DDX17: variants seen among roughly 807,000 people sequenced by gnomAD.
The protein encoded by DDX17 is probable ATP-dependent RNA helicase DDX17.
Under a neutral mutation model 80.8 loss-of-function variants are expected in DDX17, and 10 were observed. The ratio of observed to expected loss-of-function variants is 0.12; its 90% CI spans 0.08 to 0.21. DDX17 has a LOEUF of 0.21. DDX17 is among the 10% of genes least tolerant of loss of function. The pLI, the probability that DDX17 is intolerant of heterozygous loss-of-function variation, is 1.00. For synonymous variants in DDX17, 339 were observed against 336.2 expected (o/e 1.01, Z -0.09); for missense variants, 586 against 957.4 (o/e 0.61, Z 5.12).
rs758340390 is a variant in DDX17, at chr22:38,486,224, G to A, written c.1901C>T (p.Thr634Ile). The A allele has an allele frequency of 8.9e-5, 143 of 1,614,040 alleles. No homozygotes were observed. The highest frequency in any genetic ancestry group is 1.2e-4 in the Non-Finnish European group (137 of 1,180,004). Reference sequence around the variant, plus strand: ...TGCCCCATAGGTGCCTTGACCATAGGTGTATTGGCCTGCTTGTGCTCCAAA... The same window carrying A: ...TGCCCCATAGGTGCCTTGACCATAGATGTATTGGCCTGCTTGTGCTCCAAA... The change falls in exon 13 of 13, where the codon ACC (threonine) becomes ATC (isoleucine). Residue 634 changes from threonine (T) to isoleucine (I), a missense_variant. By Grantham distance (89) the Thr-to-Ile change is moderately conservative (BLOSUM62 -1). This residue lies in a region of DDX17 where 221 missense variants were observed against 261.4 expected (regional missense o/e 0.85). Coordinates refer to ENST00000403230, the MANE Select transcript of DDX17 (RefSeq NM_006386.5).
chr22:38,495,139 G>T, intron 6 of DDX17, 93 bp from the exon 7 acceptor site: 1 of 1,281,080 alleles, frequency 7.8e-7, no homozygotes, highest in Non-Finnish European at 1.1e-6. Flanking sequence ...CGGGAAGATC[G>T]CTTGAGGCCA....
intron 1 of DDX17, chr22:38,505,301 T>C (rs947974336): frequency 3.3e-5 from 5 of 152,182 alleles, no homozygotes; most frequent in Admixed American, 3.3e-4. Flanking sequence ...AAAACTAAAG[T>C]AACGACCCAA....
Position 38,490,254 on chromosome 22 carries a change from T to A in DDX17, c.1447+1802A>T, listed in dbSNP as rs1569137893. Reference sequence around the variant, plus strand: ...AGCAGGGTAAGAAATCCAAAGTTAATGTTTTGGCCAGCTGACTGGGATAAG... The same window carrying A: ...AGCAGGGTAAGAAATCCAAAGTTAAAGTTTTGGCCAGCTGACTGGGATAAG... On this transcript the variant is annotated intron_variant, in intron 11 of 12. Transcript: ENST00000403230. 4.0e-6 allele frequency: 5 copies of A among 1,244,758 alleles called. No individual in the cohort carries two copies. The East Asian group carries it at 2.3e-4, about 57-fold the overall frequency. The allele number at this position is 1,244,758 out of a possible 1,614,324, so 77.1% of individuals were successfully genotyped here. A position where few individuals can be genotyped will look rare whatever the true frequency, so the allele number is the denominator to read the frequency against.
intron 2 of DDX17, 36 bp downstream of exon 2, chr22:38,501,094 A>G: frequency 1.2e-6 from 2 of 1,602,580 alleles, no homozygotes; most frequent in Non-Finnish European, 1.7e-6. Flanking sequence ...TACTTGGTTC[A>G]ATAATCTGTA....
Position 38,489,470 on chromosome 22 carries a change from T to C in DDX17, c.1448-1355A>G. 1 of 985,660 alleles carries C rather than the reference T, an allele frequency of 1.0e-6. No individual in the cohort carries two copies. The highest frequency in any genetic ancestry group is 1.2e-6 in the Non-Finnish European group (1 of 829,918). 61.1% of individuals were successfully genotyped at this position (985,660 alleles called of 1,614,324 possible). Reference sequence around the variant, plus strand: ...AAGCGCCGGAGAACCTGGGTTCGGGTAAAAATTTCAGGTCCTCCAACGCCT... The same window carrying C: ...AAGCGCCGGAGAACCTGGGTTCGGGCAAAAATTTCAGGTCCTCCAACGCCT... On this transcript the variant is annotated intron_variant, in intron 11 of 12. Transcript: ENST00000403230. This position sits in a 1 kb window ranked among gnomAD's most constrained non-coding sequence, Gnocchi z 4.6.
Position 38,493,692 on chromosome 22 carries a change from G to C in DDX17, c.1387+18C>G. 1 of 1,594,544 alleles carries C rather than the reference G, an allele frequency of 6.3e-7. No individual in the cohort carries two copies. Among genetic ancestry groups the C allele is most frequent in the Non-Finnish European group, 8.6e-7 (1 of 1,162,318 alleles). ...AGGGGGTGGGGAATCAACAGAAAATGCTTAGTTTTAAACTTACCATTAAGT... is the reference window on the plus strand; with the variant it reads ...AGGGGGTGGGGAATCAACAGAAAATCCTTAGTTTTAAACTTACCATTAAGT... On this transcript the variant is annotated intron_variant, in intron 10 of 12. Transcript: ENST00000403230.
At chr22:38,497,639 A>G (rs1393902521) in intron 5 of DDX17, among the ~76,000 whole-genome samples, 9 of 149,122 alleles carry the variant, frequency 6.0e-5, no homozygotes, top group African/African-American at 2.2e-4. Flanking sequence ...AAAAAAAAAG[A>G]AAGAAGGCTG....
Position 38,486,105 on chromosome 22 carries a change from T to G in DDX17, c.2020A>C (p.Ser674Arg). 6.2e-7 allele frequency: 1 copy of G among 1,614,158 alleles called. No individual in the cohort carries two copies. Among genetic ancestry groups the G allele is most frequent in the Non-Finnish European group, 8.5e-7 (1 of 1,180,034 alleles). The change falls in exon 13 of 13, where the codon AGC (serine) becomes CGC (arginine). Residue 674 changes from serine to arginine, a missense_variant. By Grantham distance (110) the Ser-to-Arg change is moderately radical (BLOSUM62 -1). Around this residue, in one of 4 missense-constraint regions of DDX17, gnomAD observed 221 missense variants for 261.4 expected, o/e 0.85. Coordinates refer to ENST00000403230, the MANE Select transcript of DDX17 (RefSeq NM_006386.5). ...ATCCCACTAAACTGCTGGCTAGAGC[T>G]CTGTGAACTTCTCCCAGTTGAGGTG...
intron 5 of DDX17, among the ~76,000 whole-genome samples, chr22:38,496,657 T>C (rs1357458889): frequency 6.6e-6 from 1 of 152,130 alleles, no homozygotes; most frequent in Non-Finnish European, 1.5e-5. Flanking sequence ...GCCTAAAATT[T>C]GGAATTTTGG....
At chr22:38,499,302 CA>C in intron 3 of DDX17, 97 bp downstream of exon 3, 1 of 900,944 alleles carries the variant, frequency 1.1e-6, no homozygotes, top group Non-Finnish European at 1.8e-6. Context: ...GTCCTTTCAA[CA>C]AAACCCCAAG....
chr22:38,505,100 G>T (rs1434162853), intron 1 of DDX17: 1 of 152,258 alleles, frequency 6.6e-6, no homozygotes, highest in Non-Finnish European at 1.5e-5. Context: ...GTAGAAACGG[G>T]ATTTCTCCAT....
intron 1 of DDX17, among the ~76,000 whole-genome samples, chr22:38,501,568 C>T (rs919545970): frequency 2.6e-5 from 4 of 152,122 alleles, no homozygotes; most frequent in Non-Finnish European, 4.4e-5. Context: ...TGGATCCAGA[C>T]ATGGTTTGAG....
chr22:38,485,641 G>T lies in DDX17; in HGVS notation c.*294C>A, dbSNP rs1450484950. On this transcript the variant is annotated 3_prime_UTR_variant, in exon 13 of 13. Coordinates refer to ENST00000403230, the MANE Select transcript of DDX17 (RefSeq NM_006386.5). ...TAGCTCAAATATCTTCAACATGCAA[G>T]AAGTTGGGGGAAGAAATTAATCTCT... The T allele has an allele frequency of 6.7e-6, 1 of 150,306 alleles. No homozygotes were observed. The highest frequency in any genetic ancestry group is 2.6e-5 in the African/African-American group (1 of 39,002). 9.3% of individuals were successfully genotyped at this position (150,306 alleles called of 1,614,324 possible). A position where few individuals can be genotyped will look rare whatever the true frequency, so the allele number is the denominator to read the frequency against.
At chr22:38,498,650 C>A in intron 3 of DDX17, 77 bp from the exon 4 acceptor site, 1 of 1,499,400 alleles carries the variant, frequency 6.7e-7, no homozygotes, top group Non-Finnish European at 9.2e-7. Flanking sequence ...AACTTTTAAG[C>A]TCACTGAAGA....
chr22:38,492,043 T>C lies in DDX17; in HGVS notation c.1447+13A>G. 1 of 1,593,986 alleles carries C rather than the reference T, an allele frequency of 6.3e-7. No individual in the cohort carries two copies. The highest frequency in any genetic ancestry group is 1.1e-5 in the South Asian group (1 of 88,298). On this transcript the variant is annotated intron_variant, in intron 11 of 12. Coordinates refer to ENST00000403230, the MANE Select transcript of DDX17 (RefSeq NM_006386.5). ...TACATATACCATTGACAGAGACACC[T>C]ATCTATACAAACCTAGCCCACGGGA...
In DDX17 at chr22:38,484,667, G is replaced by T. The variant is rs1354891574; in HGVS notation, c.*1268C>A. ...TGGGTCCATCTGCTATAAAGTCTTG[G>T]TAAAACAGCATTACCATGAAGAGGA... is the stretch of plus-strand genomic sequence containing the variant. On this transcript the variant is annotated 3_prime_UTR_variant, in exon 13 of 13. Coordinates refer to ENST00000403230, the MANE Select transcript of DDX17 (RefSeq NM_006386.5). The T allele has an allele frequency of 6.6e-6, 1 of 152,162 alleles. No homozygotes were observed. Among genetic ancestry groups the T allele is most frequent in the East Asian group, 1.9e-4 (1 of 5,192 alleles). The allele number at this position is 152,162 out of a possible 1,614,324, so 9.4% of individuals were successfully genotyped here.
chr22:38,491,401 T>C (rs2089712435), intron 11 of DDX17: 2 of 152,110 alleles, frequency 1.3e-5, no homozygotes, highest in Admixed American at 6.5e-5. Context: ...TAAACTACCA[T>C]AAAATTCTCT....
Position 38,501,238 on chromosome 22 carries a change from A to G in DDX17, c.330T>C (p.Phe110=), listed in dbSNP as rs768400314. The G allele has an allele frequency of 1.9e-6, 3 of 1,612,790 alleles. No individual in the cohort carries two copies. The highest frequency in any genetic ancestry group is 3.3e-5 in the Admixed American group (2 of 59,752). The change falls in exon 2 of 13, where the codon TTT becomes TTC. Residue 110 remains phenylalanine (F), a synonymous_variant. Coordinates refer to ENST00000403230, the MANE Select transcript of DDX17 (RefSeq NM_006386.5). ...TACGCAAACGCTCCCCAGGATTACCAAATTTCTTCGGGGGAAGGCCACCAC... is the reference window on the plus strand; with the variant it reads ...TACGCAAACGCTCCCCAGGATTACCGAATTTCTTCGGGGGAAGGCCACCAC...
intron 5 of DDX17, 148 bp from the exon 6 acceptor site, chr22:38,496,085 GGAATATTAGCACAATGGA>G: frequency 1.5e-6 from 1 of 660,562 alleles, no homozygotes; most frequent in Non-Finnish European, 2.3e-6. Context: ...TCAGAAGTGG[GGAATATTAGCACAATGGA>G]ATATAGAAAA....
Sources: allele counts gnomAD v4.1 joint callset (sites outside exome capture counted in the v4.1 genomes callset), GRCh38; gene constraint gnomAD v4.1.1; regional missense constraint gnomAD v4.1.1; non-coding constraint Gnocchi (gnomAD v3.1); transcripts MANE v1.5; gene names NCBI Gene and HGNC (gene_info 2026-07-23, HGNC 2026-07-21).